PARVB: variants seen among roughly 807,000 people sequenced by gnomAD.
PARVB encodes beta-parvin.
In PARVB, 46 loss-of-function variants were observed where a neutral mutation model predicts 47.0. The observed-to-expected ratio is 0.98, with a 90% CI of 0.77 to 1.25. The LOEUF is 1.25. Among genes scored for constraint, PARVB ranks in the 50% most tolerant of loss-of-function variants. The pLI, the probability that PARVB is intolerant of heterozygous loss-of-function variation, is 0.00. For synonymous variants in PARVB, 196 were observed against 196.3 expected (o/e 1.00, Z 0.01); for missense variants, 473 against 471.6 (o/e 1.00, Z -0.03).
intron 1 of PARVB, among the ~76,000 whole-genome samples, chr22:44,046,857 G>A (rs1018984017): frequency 1.3e-5 from 2 of 152,164 alleles, no homozygotes; most frequent in African/African-American, 4.8e-5. Flanking sequence ...AGCCTCTGCT[G>A]AGGTCCTTAT....
intron 1 of PARVB, among the ~76,000 whole-genome samples, chr22:44,037,941 G>A (rs2050949411): frequency 8.3e-6 from 1 of 119,820 alleles, no homozygotes; most frequent in Non-Finnish European, 1.9e-5. Flanking sequence ...CGCCTGTCCA[G>A]CCCAGCCCAG....
In PARVB at chr22:44,128,297, C is replaced by T. The variant is rs1443851120; in HGVS notation, c.377-3190C>T. 2.0e-5 allele frequency among the ~76,000 whole-genome samples: 3 copies of T among 152,228 alleles called. No homozygotes were observed. The East Asian group carries it at 5.8e-4, about 29-fold the overall frequency. ...CTCTCCTTGTGAAGGTGAAGTTCTT[C>T]ATCACATGTGTACTCAACCCCCATG... On this transcript the variant is annotated intron_variant, in intron 4 of 12. Transcript: ENST00000338758.
intron 3 of PARVB, chr22:44,115,430 C>T (rs1045035121): frequency 1.1e-4 from 13 of 121,762 alleles, no homozygotes; most frequent in Non-Finnish European, 6.9e-5. Context: ...AGGCCCTGCA[C>T]CAACACAGAT....
chr22:44,066,655 C>T (rs142262345), intron 1 of PARVB, among the ~76,000 whole-genome samples: 2,783 of 152,244 alleles, frequency 0.018, 54 homozygotes, highest in African/African-American at 0.051. Flanking sequence ...AACAGCCTGT[C>T]GACCACTCAC....
At chr22:44,060,675 T>C (rs1350141364) in intron 1 of PARVB, among the ~76,000 whole-genome samples, 2 of 151,944 alleles carry the variant, frequency 1.3e-5, no homozygotes, top group Non-Finnish European at 2.9e-5. Flanking sequence ...AGAGGTCTCA[T>C]AGTTTGATGT....
intron 3 of PARVB, chr22:44,105,236 CAT>C (rs2052541471): frequency 1.3e-5 from 2 of 152,230 alleles, no homozygotes. Flanking sequence ...CCCTGAATGA[CAT>C]AGTTACTCCC....
At chr22:44,166,045 A>G (rs533351933) in intron 12 of PARVB, among the ~76,000 whole-genome samples, 13 of 152,354 alleles carry the variant, frequency 8.5e-5, no homozygotes, top group African/African-American at 3.1e-4. Context: ...TACCCTCAGA[A>G]GAGCCCCTGG....
intron 2 of PARVB, among the ~76,000 whole-genome samples, chr22:44,094,298 T>G (rs2052244027): frequency 6.6e-6 from 1 of 152,154 alleles, no homozygotes; most frequent in Admixed American, 6.5e-5. Flanking sequence ...AAAAGATAGT[T>G]TGTTAAACTC....
intron 1 of PARVB, among the ~76,000 whole-genome samples, chr22:44,081,367 G>A (rs952616769): frequency 2.0e-5 from 3 of 152,242 alleles, no homozygotes; most frequent in Non-Finnish European, 2.9e-5. Context: ...AGGGGAGACA[G>A]CCGCTAGAGG....
rs762617250 is a variant in PARVB, at chr22:44,147,930, A to G, written c.774+8A>G. 2.5e-6 allele frequency: 4 copies of G among 1,612,806 alleles called. No homozygotes were observed. In the South Asian group the frequency reaches 3.3e-5, roughly 13 times the overall value. The stretch of plus-strand genomic sequence containing the variant: ...CTCAGCGTGGTGAAGAAGGTGAGCT[A>G]TTGGTGGGATGTTGGATGTGCTCTC... On this transcript the variant is annotated splice_region_variant and intron_variant, in intron 9 of 12. Coordinates refer to ENST00000338758, the MANE Select transcript of PARVB (RefSeq NM_013327.5).
chr22:43,999,537 G>C (rs759552302), exon 2 of PARVB: 2 of 1,578,966 alleles, frequency 1.3e-6, no homozygotes, highest in African/African-American at 2.7e-5. Context: ...CCTGCAGCAG[G>C]AGGCTGGAGC....
At chr22:44,133,099 T>C (rs2053366142) in intron 6 of PARVB, 90 bp downstream of exon 6, 1 of 781,046 alleles carries the variant, frequency 1.3e-6, no homozygotes, top group Non-Finnish European at 2.1e-6. Flanking sequence ...CCCCTCCTTT[T>C]TTCCCCCCAG....
intron 1 of PARVB, among the ~76,000 whole-genome samples, chr22:44,093,725 T>A (rs2052227407): frequency 6.6e-6 from 1 of 152,172 alleles, no homozygotes; most frequent in Admixed American, 6.5e-5. Flanking sequence ...TGGGAAATAT[T>A]TGGGGTGGGG....
At chr22:44,131,897 G>A (rs975020785) in intron 5 of PARVB, among the ~76,000 whole-genome samples, 1 of 152,172 alleles carries the variant, frequency 6.6e-6, no homozygotes, top group African/African-American at 2.4e-5. Flanking sequence ...TTATGGATGG[G>A]TGGATCAGAG....
chr22:44,024,532 G>A (rs2050696293), intron 1 of PARVB, 81 bp downstream of exon 1: 2 of 614,724 alleles, frequency 3.3e-6, no homozygotes, highest in Non-Finnish European at 2.1e-6. Context: ...CCACGAGGCC[G>A]CCCCCGCCCT....
chr22:44,075,662 C>T (rs1218863512), intron 1 of PARVB, among the ~76,000 whole-genome samples: 1 of 152,232 alleles, frequency 6.6e-6, no homozygotes, highest in Non-Finnish European at 1.5e-5. Flanking sequence ...GTTTTGCCTG[C>T]CCCACAGGGT....
rs1445606010 is a variant in PARVB at position 44,155,286 on chromosome 22, T to C, written c.844-2696T>C. ...GGCAGGGCTCGGCAGGGGTTAGCAC[T>C]GCGGATGAGGAGGCGGTGGTGGGGC... is the stretch of plus-strand genomic sequence containing the variant. On this transcript the variant is annotated intron_variant, in intron 10 of 12. Transcript: ENST00000338758. This position sits in a 1 kb window ranked among gnomAD's most constrained non-coding sequence, Gnocchi z 4.8. 1.3e-5 allele frequency among the ~76,000 whole-genome samples: 2 copies of C among 152,060 alleles called. No individual in the cohort carries two copies. Among genetic ancestry groups the C allele is most frequent in the African/African-American group, 2.4e-5 (1 of 41,398 alleles).
Position 44,170,491 on chromosome 22 carries a change from G to A in PARVB, c.*1813G>A, listed in dbSNP as rs1469074333. 6.6e-6 allele frequency: 1 copy of A among 152,198 alleles called. No homozygotes were observed. The highest frequency in any genetic ancestry group is 2.4e-5 in the African/African-American group (1 of 41,416). 9.4% of individuals were successfully genotyped at this position (152,198 alleles called of 1,614,324 possible). ...GCCTTGTACCGGGAGGATATGAAGT[G>A]TTCATGTTACTCTCCCTGTAGCCCT... is the stretch of plus-strand genomic sequence containing the variant. On this transcript the variant is annotated 3_prime_UTR_variant, in exon 13 of 13. Transcript: ENST00000338758.
chr22:44,138,343 C>T (rs912204442), intron 7 of PARVB, among the ~76,000 whole-genome samples: 4 of 152,102 alleles, frequency 2.6e-5, no homozygotes, highest in African/African-American at 9.7e-5. Context: ...GTGAAAGCCA[C>T]CTCAATCAGA....
Sources: allele counts gnomAD v4.1 joint callset (sites outside exome capture counted in the v4.1 genomes callset), GRCh38; gene constraint gnomAD v4.1.1; non-coding constraint Gnocchi (gnomAD v3.1); transcripts MANE v1.5; gene names NCBI Gene and HGNC (gene_info 2026-07-23, HGNC 2026-07-21).